Variants in IL1RAPL2 observed in about 807,000 individuals in gnomAD.
The protein encoded by IL1RAPL2 is X-linked interleukin-1 receptor accessory protein-like 2.
A neutral mutation model predicts 44.1 loss-of-function variants in IL1RAPL2; 3 were observed. That is an observed-to-expected ratio of 0.07 (90% CI 0.03 to 0.18). The LOEUF (loss-of-function observed/expected upper bound fraction) is 0.18, where lower values mean the gene tolerates loss of function less well. Among genes scored for constraint, IL1RAPL2 ranks in the 10% least tolerant of loss-of-function variants. IL1RAPL2 has a pLI of 1.00. For synonymous variants in IL1RAPL2, 181 were observed against 178.8 expected, an observed-to-expected ratio of 1.01 and a Z score of -0.10; for missense variants, 391 against 496.4, an observed-to-expected ratio of 0.79 and a Z score of 2.02.
At chrX:104,600,419 C>T (rs1204547147) in intron 1 of IL1RAPL2, among the ~76,000 whole-genome samples, 1 of 111,219 alleles carries the variant, frequency 9.0e-6, no homozygotes, top group Non-Finnish European at 1.9e-5. Flanking sequence ...AAAGTAGGAA[C>T]AATATTAATA....
intron 2 of IL1RAPL2, among the ~76,000 whole-genome samples, chrX:105,180,136 A>T (rs781864709): frequency 3.6e-5 from 4 of 110,140 alleles, no homozygotes; most frequent in Non-Finnish European, 7.6e-5. Flanking sequence ...CAGGAGTTCG[A>T]GACTAGTGTG....
intron 2 of IL1RAPL2, among the ~76,000 whole-genome samples, chrX:105,115,768 C>T (rs1290123069): frequency 2.7e-5 from 3 of 113,040 alleles, no homozygotes; most frequent in Non-Finnish European, 5.6e-5. Context: ...AGCCCTTGGG[C>T]GGTTGATGGG....
chrX:104,651,399 C>A (rs1930150121), intron 1 of IL1RAPL2, among the ~76,000 whole-genome samples: 1 of 111,759 alleles, frequency 8.9e-6, no homozygotes, highest in Non-Finnish European at 1.9e-5. Context: ...AAATCTAGTT[C>A]ATGTTTTTGG....
At chrX:105,500,048 G>A (rs2036382352) in intron 6 of IL1RAPL2, among the ~76,000 whole-genome samples, 2 of 111,681 alleles carry the variant, frequency 1.8e-5, no homozygotes, top group African/African-American at 6.5e-5. Flanking sequence ...GAACCTTGAA[G>A]ACATTATGCT....
At chrX:105,560,822 T>TTA (rs952712317) in intron 6 of IL1RAPL2, among the ~76,000 whole-genome samples, 4 of 109,472 alleles carry the variant, frequency 3.7e-5, no homozygotes, top group East Asian at 2.8e-4. Flanking sequence ...GGATAAAAAC[T>TTA]TATATATATA....
intron 6 of IL1RAPL2, among the ~76,000 whole-genome samples, chrX:105,575,940 T>C (rs2037046979): frequency 8.9e-6 from 1 of 112,066 alleles, no homozygotes; most frequent in South Asian, 3.7e-4. Flanking sequence ...TTAAGCTTTT[T>C]TTTCATGTTT....
chrX:104,576,241 T>C (rs1206393312), intron 1 of IL1RAPL2, among the ~76,000 whole-genome samples: 1 of 111,347 alleles, frequency 9.0e-6, no homozygotes, highest in Non-Finnish European at 1.9e-5. Flanking sequence ...TGTTCTGGGG[T>C]GAGAACCCAG....
chrX:104,907,114 T>A (rs928170541), intron 2 of IL1RAPL2, among the ~76,000 whole-genome samples: 2 of 111,305 alleles, frequency 1.8e-5, no homozygotes, highest in Admixed American at 9.5e-5. Flanking sequence ...TATTCTCTGA[T>A]GGTAGTTTGT....
intron 2 of IL1RAPL2, among the ~76,000 whole-genome samples, chrX:104,883,214 A>G (rs1396474861): frequency 9.0e-6 from 1 of 110,944 alleles, no homozygotes; most frequent in Non-Finnish European, 1.9e-5. Flanking sequence ...TTTGCTTGCT[A>G]TTCTGTCCTA....
intron 1 of IL1RAPL2, among the ~76,000 whole-genome samples, chrX:104,585,362 T>TATATATTATATA (rs1928531299): frequency 3.0e-4 from 7 of 23,549 alleles, no homozygotes; most frequent in African/African-American, 2.5e-3. Flanking sequence ...TTATATATAT[T>TATATATTATATA]ATATATATTA....
At chrX:105,453,104 T>C (rs895140022) in intron 5 of IL1RAPL2, among the ~76,000 whole-genome samples, 5 of 111,612 alleles carry the variant, frequency 4.5e-5, no homozygotes, top group Non-Finnish European at 9.4e-5. Context: ...CACTGGGAAG[T>C]GAAACTGGAA....
At chrX:105,603,368 A>T (rs1480274771) in intron 6 of IL1RAPL2, among the ~76,000 whole-genome samples, 2 of 111,341 alleles carry the variant, frequency 1.8e-5, no homozygotes, top group Admixed American at 1.9e-4. Flanking sequence ...GAAACCAAAA[A>T]TGAGCAGGAG....
intron 5 of IL1RAPL2, among the ~76,000 whole-genome samples, chrX:105,320,097 A>T (rs934803407): frequency 9.0e-6 from 1 of 111,088 alleles, no homozygotes; most frequent in East Asian, 2.8e-4. Flanking sequence ...GGAGTTTAAT[A>T]ACATAATCAT....
At chrX:105,433,486 T>C (rs895027334) in intron 5 of IL1RAPL2, among the ~76,000 whole-genome samples, 3 of 111,501 alleles carry the variant, frequency 2.7e-5, no homozygotes, top group African/African-American at 9.8e-5. Flanking sequence ...ATGTTTAGAT[T>C]TGGCTCCATA....
At chrX:105,177,791 T>C (rs945479693) in intron 2 of IL1RAPL2, among the ~76,000 whole-genome samples, 1 of 112,060 alleles carries the variant, frequency 8.9e-6, no homozygotes, top group Admixed American at 9.5e-5. Context: ...ATAAGAAATA[T>C]ACTAGGATGA....
Position 104,879,365 on chromosome X carries a change from T to TAAAAAAAAAAAAAAAAAAAAAAAA in IL1RAPL2, c.82+220389_82+220390insAAAAAAAAAAAAAAAAAAAAAAAA, listed in dbSNP as rs753494292. 1.4e-3 allele frequency among the ~76,000 whole-genome samples: 43 copies of TAAAAAAAAAAAAAAAAAAAAAAAA among 30,995 alleles called. 4 individuals carry two copies. Among genetic ancestry groups the TAAAAAAAAAAAAAAAAAAAAAAAA allele is most frequent in the African/African-American group, 7.3e-3 (39 of 5,359 alleles). The allele number at this position is 30,995 out of a possible 115,157, so 26.9% of individuals were successfully genotyped here. On this transcript the variant is annotated intron_variant, in intron 2 of 10. Transcript: ENST00000372582. Reference sequence around the variant, plus strand: ...TGTAAAAGAGACCAAGCAAAACTAGTAAAAAAAAAAAAAAAAAAAGAGTGC... The same window carrying TAAAAAAAAAAAAAAAAAAAAAAAA: ...TGTAAAAGAGACCAAGCAAAACTAGTAAAAAAAAAAAAAAAAAAAAAAAAAAAAAAAAAAAAAAAAAAAGAGTGC...
chrX:105,276,386 C>A (rs768825279), intron 5 of IL1RAPL2, among the ~76,000 whole-genome samples: 20 of 112,623 alleles, frequency 1.8e-4, no homozygotes, highest in Non-Finnish European at 3.8e-4. Flanking sequence ...CCAGCCTGGG[C>A]AACAAGAGAG....
intron 5 of IL1RAPL2, among the ~76,000 whole-genome samples, chrX:105,271,615 A>G (rs2034446998): frequency 9.0e-6 from 1 of 111,009 alleles, no homozygotes; most frequent in Non-Finnish European, 1.9e-5. Flanking sequence ...AGTCTGCCTT[A>G]AGAAGGTCAA....
chrX:105,192,861 A>G (rs1386225682), intron 2 of IL1RAPL2, among the ~76,000 whole-genome samples: 1 of 112,115 alleles, frequency 8.9e-6, no homozygotes, highest in African/African-American at 3.2e-5. Flanking sequence ...ATAACTAAAT[A>G]CTCTGATACC....
Sources: allele counts gnomAD v4.1 joint callset (sites outside exome capture counted in the v4.1 genomes callset), GRCh38; gene constraint gnomAD v4.1.1; transcripts MANE v1.5; gene names NCBI Gene and HGNC (gene_info 2026-07-23, HGNC 2026-07-21).